Variants in EVC2 observed in about 807,000 individuals in gnomAD.
EVC2 encodes the protein limbin.
EVC2 carries 148 observed loss-of-function variants against 149.3 expected under a neutral mutation model. The observed-to-expected ratio is 0.99, with a 90% CI of 0.87 to 1.14. The LOEUF (loss-of-function observed/expected upper bound fraction) is 1.14. Among genes scored for constraint, EVC2 ranks in the 50% most tolerant of loss-of-function variants. The pLI, the probability that EVC2 is intolerant of heterozygous loss-of-function variation, is 0.00. For missense variants in EVC2, 1,854 were observed against 1,627.3 expected, an observed-to-expected ratio of 1.14 and a Z score of -2.40; for synonymous variants, 776 against 649.9, an observed-to-expected ratio of 1.19 and a Z score of -2.95.
At chr4:5,612,293 T>C (rs1019884906) in intron 16 of EVC2, among the ~76,000 whole-genome samples, 2 of 152,206 alleles carry the variant, frequency 1.3e-5, no homozygotes, top group African/African-American at 2.4e-5. Context: ...CAATTCCCAG[T>C]TTTTCTCTTG....
chr4:5,554,783 A>T (rs1405542333), intron 21 of EVC2, among the ~76,000 whole-genome samples: 1 of 152,232 alleles, frequency 6.6e-6, no homozygotes, highest in Non-Finnish European at 1.5e-5. Flanking sequence ...CCCAGATAAC[A>T]TATAATTTCA....
At chr4:5,634,112 C>T (rs1287579863) in intron 10 of EVC2, among the ~76,000 whole-genome samples, 1 of 152,230 alleles carries the variant, frequency 6.6e-6, no homozygotes, top group Non-Finnish European at 1.5e-5. Context: ...CTTTTATGTG[C>T]ATCCTCTTGG....
chr4:5,707,767 C>A (rs1015402899), intron 1 of EVC2, among the ~76,000 whole-genome samples: 1 of 152,042 alleles, frequency 6.6e-6, no homozygotes, highest in African/African-American at 2.4e-5. Flanking sequence ...GAGTTTAGGA[C>A]CACAGAGGGA....
chr4:5,575,608 G>A (rs4689261), intron 18 of EVC2, among the ~76,000 whole-genome samples: 71,595 of 152,078 alleles, frequency 0.47, 18,657 homozygotes, highest in East Asian at 0.86. Flanking sequence ...AATTAACCAC[G>A]CTGTGTATAG....
At chr4:5,683,640 G>A (rs1387119620) in intron 6 of EVC2, among the ~76,000 whole-genome samples, 1 of 152,112 alleles carries the variant, frequency 6.6e-6, no homozygotes, top group Non-Finnish European at 1.5e-5. Context: ...TCACAGACAG[G>A]AACCAAACAA....
intron 1 of EVC2, among the ~76,000 whole-genome samples, chr4:5,707,840 T>C (rs893500502): frequency 6.6e-6 from 1 of 151,622 alleles, no homozygotes; most frequent in Admixed American, 6.6e-5. Context: ...CACCTAAGAG[T>C]CCAGCCAAGA....
At chr4:5,638,588 A>G (rs910412572) in intron 10 of EVC2, among the ~76,000 whole-genome samples, 4 of 152,014 alleles carry the variant, frequency 2.6e-5, no homozygotes, top group Admixed American at 1.3e-4. Context: ...GCTGCAGTGG[A>G]CTGAATGGTG....
chr4:5,705,061 C>T (rs1051952723), intron 1 of EVC2, among the ~76,000 whole-genome samples: 1 of 152,148 alleles, frequency 6.6e-6, no homozygotes, highest in African/African-American at 2.4e-5. Flanking sequence ...ATAGTAATTA[C>T]ACAGTGTAAC....
chr4:5,622,391 G>A lies in EVC2; in HGVS notation c.2501+146C>T. The A allele has an allele frequency of 1.1e-6, 1 of 947,026 alleles. No homozygotes were observed. The highest frequency in any genetic ancestry group is 1.6e-6 in the Non-Finnish European group (1 of 606,998). The allele number at this position is 947,026 out of a possible 1,614,324, so 58.7% of individuals were successfully genotyped here. A position where few individuals can be genotyped will look rare whatever the true frequency, so the allele number is the denominator to read the frequency against. ...TTCGAGGTCCTCCCCCCGGGGCGTTGAGTTTATATGACTAATTAACGCTGG... is the reference window on the plus strand; with the variant it reads ...TTCGAGGTCCTCCCCCCGGGGCGTTAAGTTTATATGACTAATTAACGCTGG... On this transcript the variant is annotated intron_variant, in intron 14 of 21. Transcript: ENST00000344408. The surrounding 1 kb of genome is among the most constrained non-coding windows in gnomAD (Gnocchi z 5.8).
At chr4:5,553,577 G>C (rs1327700080) in intron 21 of EVC2, among the ~76,000 whole-genome samples, 1 of 152,060 alleles carries the variant, frequency 6.6e-6, no homozygotes, top group East Asian at 1.9e-4. Flanking sequence ...TGAAGTTTTG[G>C]GGCAGTGACT....
intron 16 of EVC2, among the ~76,000 whole-genome samples, chr4:5,591,723 T>G (rs1229706419): frequency 6.6e-6 from 1 of 152,222 alleles, no homozygotes; most frequent in Admixed American, 6.5e-5. Context: ...TCCAGCACCA[T>G]GAGAATGTGT....
intron 21 of EVC2, among the ~76,000 whole-genome samples, chr4:5,563,845 A>G (rs1722100487): frequency 6.6e-6 from 1 of 152,180 alleles, no homozygotes; most frequent in Non-Finnish European, 1.5e-5. Flanking sequence ...CCTGGTTACA[A>G]GGCAACAGTT....
chr4:5,591,587 TA>T (rs1369834591), intron 16 of EVC2, among the ~76,000 whole-genome samples: 5 of 152,190 alleles, frequency 3.3e-5, no homozygotes, highest in African/African-American at 4.8e-5. Context: ...AATGCATGAA[TA>T]AATGTGGGTG....
chr4:5,558,327 GATAGTAAA>G (rs1035737320), downstream of EVC2, among the ~76,000 whole-genome samples: 1 of 152,156 alleles, frequency 6.6e-6, no homozygotes, highest in African/African-American at 2.4e-5. Flanking sequence ...AAACTATAGA[GATAGTAAA>G]ATGATCAGTG....
At chr4:5,708,984 AG>A (rs1722399027), upstream of EVC2, 1 of 154,014 alleles carries the variant, frequency 6.5e-6, no homozygotes, top group Non-Finnish European at 1.4e-5. Flanking sequence ...GGTTCAGGAA[AG>A]CTCGGGGAGG....
Position 5,651,249 on chromosome 4 carries a change from T to C in EVC2, c.1146-10411A>G, listed in dbSNP as rs962041477. 1.3e-4 allele frequency among the ~76,000 whole-genome samples: 19 copies of C among 149,796 alleles called. No homozygotes were observed. In the East Asian group the frequency reaches 2.6e-3, roughly 20 times the overall value. On this transcript the variant is annotated intron_variant, in intron 9 of 21. Coordinates refer to ENST00000344408, the MANE Select transcript of EVC2 (RefSeq NM_147127.5). Reference sequence around the variant, plus strand: ...GGATGGGTAGATGAAGTATGGATGATAGATGGGTGGGTGGATGGATATGCA... The same window carrying C: ...GGATGGGTAGATGAAGTATGGATGACAGATGGGTGGGTGGATGGATATGCA...
At position 5,637,074 on chromosome 4, in the gene EVC2, G is replaced by T. The variant is rs1287229762; in HGVS notation, c.1470+3440C>A. ...GTGGTGTGGGTGGGAGAGACAGGCT[G>T]CAGAAAAGCCCTGGAGAGAGCAGGG... On this transcript the variant is annotated intron_variant, in intron 10 of 21. Transcript: ENST00000344408. The surrounding 1 kb of genome is among the most constrained non-coding windows in gnomAD (Gnocchi z 4.4). 6.6e-6 allele frequency among the ~76,000 whole-genome samples: 1 copy of T among 152,304 alleles called. No individual in the cohort carries two copies. The highest frequency in any genetic ancestry group is 2.4e-5 in the African/African-American group (1 of 41,578).
chr4:5,557,003 G>A (rs757781768), intron 21 of EVC2, among the ~76,000 whole-genome samples: 3 of 152,036 alleles, frequency 2.0e-5, no homozygotes, highest in Non-Finnish European at 2.9e-5. Flanking sequence ...AAACGTTTAA[G>A]GAAGAAATAA....
intron 8 of EVC2, 123 bp downstream of exon 8, chr4:5,665,392 G>C (rs548991708): frequency 4.1e-6 from 6 of 1,470,450 alleles, no homozygotes; most frequent in African/African-American, 2.8e-5. Context: ...CCTGGGCATG[G>C]GTTTTTGTGC....
Sources: gnomAD v4.1 joint callset for allele counts (sites outside exome capture counted in the v4.1 genomes callset) on GRCh38, gnomAD v4.1.1 for gene constraint, Gnocchi (gnomAD v3.1) non-coding constraint, MANE v1.5 for transcripts, NCBI Gene and HGNC (gene_info 2026-07-23, HGNC 2026-07-21) for gene names.